STXBP5: variants seen among roughly 807,000 people sequenced by gnomAD.
The protein encoded by STXBP5 is syntaxin binding protein 5.
STXBP5 carries 50 observed loss-of-function variants against 152.4 expected under a neutral mutation model. That is an observed-to-expected ratio of 0.33 (90% CI 0.26 to 0.42). The LOEUF is 0.42. Among genes scored for constraint, STXBP5 ranks in the 10% least tolerant of loss-of-function variants. The pLI, the probability that STXBP5 is intolerant of heterozygous loss-of-function variation, is 1.00. For missense variants in STXBP5, 1,167 were observed against 1,388.6 expected, an observed-to-expected ratio of 0.84 and a Z score of 2.54; for synonymous variants, 492 against 494.7, an observed-to-expected ratio of 0.99 and a Z score of 0.07.
intron 4 of STXBP5, among the ~76,000 whole-genome samples, chr6:147,246,029 T>C (rs572723285): frequency 6.7e-4 from 102 of 152,334 alleles, no homozygotes; most frequent in Middle Eastern, 3.4e-3. Flanking sequence ...GAAACACATA[T>C]CACCTTTGTT....
At chr6:147,278,662 A>C (rs1338292275) in intron 8 of STXBP5, among the ~76,000 whole-genome samples, 1 of 152,184 alleles carries the variant, frequency 6.6e-6, no homozygotes, top group Non-Finnish European at 1.5e-5. Flanking sequence ...CCTAGATTTA[A>C]TGATTCACTA....
At chr6:147,228,129 C>G (rs574884503) in intron 2 of STXBP5, among the ~76,000 whole-genome samples, 45 of 151,906 alleles carry the variant, frequency 3.0e-4, no homozygotes, top group South Asian at 1.7e-3. Flanking sequence ...ATTAGATTCC[C>G]TGTCATTGCC....
rs201735696 is a variant in STXBP5 at position 147,316,271 on chromosome 6, A to T, written c.1666A>T (p.Thr556Ser). ...RLLYEINDVE[T>S]PEGEQPPPLP... ...ATTATATGAGATAAATGATGTGGAA[A>T]CTCCGGAGGGTGAGCAGCCACCACC... is the stretch of plus-strand genomic sequence containing the variant. Residue 556 changes from threonine to serine, a missense_variant, in exon 16 of 28, where the codon ACT becomes TCT. Around this residue, in one of 3 missense-constraint regions of STXBP5, gnomAD observed 833 missense variants for 986.3 expected, o/e 0.84. Transcript: ENST00000321680. 11 of 1,613,790 alleles carry T rather than the reference A, an allele frequency of 6.8e-6. No individual in the cohort carries two copies. The highest frequency in any genetic ancestry group is 5.1e-6 in the Non-Finnish European group (6 of 1,179,950).
chr6:147,216,253 G>A (rs1489559324), intron 2 of STXBP5, among the ~76,000 whole-genome samples: 2 of 152,152 alleles, frequency 1.3e-5, no homozygotes, highest in South Asian at 4.1e-4. Context: ...TTTGCCGAGC[G>A]TGGTGGCAGG....
intron 25 of STXBP5, among the ~76,000 whole-genome samples, chr6:147,369,112 T>C (rs1489840860): frequency 1.3e-5 from 2 of 152,010 alleles, no homozygotes; most frequent in African/African-American, 4.8e-5. Context: ...CAGTAGAGAA[T>C]GGTATTTTTG....
chr6:147,360,568 C>G (rs868430594), intron 23 of STXBP5, among the ~76,000 whole-genome samples: 1 of 151,826 alleles, frequency 6.6e-6, no homozygotes, highest in African/African-American at 2.4e-5. Context: ...TTCCTAATAC[C>G]TCAAGCAAAA....
In STXBP5 at chr6:147,364,069, C is replaced by T. The variant is rs1444820622; in HGVS notation, c.2984C>T (p.Thr995Met). 5 of 1,614,024 alleles carry T rather than the reference C, an allele frequency of 3.1e-6. No individual in the cohort carries two copies. The Admixed American group carries it at 5.0e-5, about 16-fold the overall frequency. The change falls in exon 25 of 28, where the codon ACG becomes ATG. Residue 995 changes from threonine to methionine, a missense_variant. By Grantham distance (81) the Thr-to-Met change is moderately conservative. Transcript: ENST00000321680. ...CTTACCAATATGCGGATAGCCAGAA[C>T]GTTCTGCTTTACCAACAATGGACAA... ...LPLTNMRIARTFCFTNNGQAL... is the reference protein window; with the variant it reads ...LPLTNMRIARMFCFTNNGQAL...
chr6:147,344,373 T>C (rs1406047130), intron 21 of STXBP5, among the ~76,000 whole-genome samples: 3 of 152,232 alleles, frequency 2.0e-5, no homozygotes, highest in Non-Finnish European at 2.9e-5. Context: ...TAAACCTTTG[T>C]CAACTATTAT....
At chr6:147,211,348 A>G (rs1443265682) in intron 2 of STXBP5, among the ~76,000 whole-genome samples, 1 of 152,000 alleles carries the variant, frequency 6.6e-6, no homozygotes. Context: ...TCTCAACCAC[A>G]AGTTTTCAAA....
At chr6:147,339,870 A>G (rs772338478) in intron 21 of STXBP5, among the ~76,000 whole-genome samples, 1 of 151,730 alleles carries the variant, frequency 6.6e-6, no homozygotes, top group Non-Finnish European at 1.5e-5. Flanking sequence ...GACTGCCCCT[A>G]CTCTCTCACC....
chr6:147,352,005 G>A (rs767957259), intron 21 of STXBP5: 30 of 337,476 alleles, frequency 8.9e-5, no homozygotes, highest in Non-Finnish European at 1.2e-4. Flanking sequence ...TTTCTTTTAC[G>A]CATGCACTAC....
chr6:147,362,130 T>G (rs1218345219), intron 23 of STXBP5, among the ~76,000 whole-genome samples: 1 of 152,176 alleles, frequency 6.6e-6, no homozygotes, highest in East Asian at 1.9e-4. Flanking sequence ...ATTGTTTATC[T>G]GAAATTCAAA....
At position 147,334,202 on chromosome 6, in the gene STXBP5, G is replaced by C. The variant is rs780490421; in HGVS notation, c.2126G>C (p.Arg709Pro). The C allele has an allele frequency of 6.2e-7, 1 of 1,611,794 alleles. No individual in the cohort carries two copies. The highest frequency in any genetic ancestry group is 8.5e-7 in the Non-Finnish European group (1 of 1,179,088). The change falls in exon 19 of 28, where the codon CGC (arginine) becomes CCC (proline). Residue 709 changes from arginine (R) to proline (P), a missense_variant. By Grantham distance (103) the Arg-to-Pro change is moderately radical. Coordinates refer to ENST00000321680, the MANE Select transcript of STXBP5 (RefSeq NM_001127715.4). The stretch of plus-strand genomic sequence containing the variant: ...GAAGGGACTGTTGTTCCAGAGGATC[G>C]CTGCAAATCTCCAACCTCTGGTAAT... ...ISEGTVVPED[R>P]CKSPTSGSSS...
intron 16 of STXBP5, among the ~76,000 whole-genome samples, chr6:147,320,021 T>A (rs1782841463): frequency 6.6e-6 from 1 of 151,706 alleles, no homozygotes; most frequent in African/African-American, 2.4e-5. Context: ...TTGTAGTTTT[T>A]TATAGAGATG....
chr6:147,296,267 C>G (rs1254673260), intron 9 of STXBP5, among the ~76,000 whole-genome samples: 7 of 152,128 alleles, frequency 4.6e-5, no homozygotes, highest in Admixed American at 4.6e-4. Context: ...GGTTCACCCC[C>G]CAAGTCAACC....
At chr6:147,329,945 A>G (rs1783485133) in intron 18 of STXBP5, among the ~76,000 whole-genome samples, 1 of 152,130 alleles carries the variant, frequency 6.6e-6, no homozygotes, top group Non-Finnish European at 1.5e-5. Flanking sequence ...CTTTTTTAAA[A>G]GAACAGTTTG....
chr6:147,256,739 A>G (rs1779387230), intron 4 of STXBP5, among the ~76,000 whole-genome samples: 1 of 152,312 alleles, frequency 6.6e-6, no homozygotes, highest in African/African-American at 2.4e-5. Context: ...TGATTGTTTT[A>G]TTAATTACTA....
intron 4 of STXBP5, among the ~76,000 whole-genome samples, chr6:147,256,612 T>C (rs1407786969): frequency 2.0e-5 from 3 of 152,190 alleles, no homozygotes; most frequent in African/African-American, 4.8e-5. Context: ...AATGTGAACT[T>C]TCTTGGCTTC....
chr6:147,337,209 A>T lies in STXBP5; in HGVS notation c.2147-1970A>T, dbSNP rs963984664. 3.4e-5 allele frequency among the ~76,000 whole-genome samples: 5 copies of T among 146,934 alleles called. No individual in the cohort carries two copies. The South Asian group carries it at 1.1e-3, about 32-fold the overall frequency. On this transcript the variant is annotated intron_variant, in intron 19 of 27. Coordinates refer to ENST00000321680, the MANE Select transcript of STXBP5 (RefSeq NM_001127715.4). ...CATACATAGACACACACACACACACACACACAAGAAGTCATGTTAAAATAA... is the reference window on the plus strand; with the variant it reads ...CATACATAGACACACACACACACACTCACACAAGAAGTCATGTTAAAATAA...
Sources: allele counts gnomAD v4.1 joint callset (sites outside exome capture counted in the v4.1 genomes callset), GRCh38; gene constraint gnomAD v4.1.1; regional missense constraint gnomAD v4.1.1; transcripts MANE v1.5; gene names NCBI Gene and HGNC (gene_info 2026-07-23, HGNC 2026-07-21).